PRSS23: variants seen among roughly 807,000 people sequenced by gnomAD.
PRSS23 encodes the protein protease, serine 23.
In PRSS23, 25 loss-of-function variants were observed where a neutral mutation model predicts 34.7. The observed-to-expected ratio is 0.72, with a 90% CI of 0.53 to 1.01. The LOEUF (loss-of-function observed/expected upper bound fraction) is 1.01, where lower values mean the gene tolerates loss of function less well. Among genes scored for constraint, PRSS23 ranks in the 50% least tolerant of loss-of-function variants. The probability of loss-of-function intolerance (pLI) is 0.00; values close to 1 mark genes in which losing one functional copy is unlikely to be tolerated. For synonymous variants in PRSS23, 176 were observed against 186.6 expected (o/e 0.94, Z 0.46); for missense variants, 445 against 475.6 (o/e 0.94, Z 0.60).
intron 2 of PRSS23, chr11:86,837,600 C>G (rs1029068247): frequency 6.6e-6 from 1 of 152,134 alleles, no homozygotes; most frequent in East Asian, 1.9e-4. Flanking sequence ...AACCATGCCT[C>G]TACTAAAATT....
At chr11:86,931,885 T>C (rs1353799409) in intron 2 of PRSS23, among the ~76,000 whole-genome samples, 2 of 152,058 alleles carry the variant, frequency 1.3e-5, no homozygotes, top group Admixed American at 6.5e-5. Context: ...ACTGTAATAA[T>C]CCAGGAGAAG....
At position 86,845,966 on chromosome 11, in the gene PRSS23, T is replaced by C. The variant is rs532896885; in HGVS notation, c.206+22373T>C. Among the ~76,000 whole-genome samples the C allele has an allele frequency of 1.2e-3, 176 of 152,344 alleles. 1 individual carries two copies. Among genetic ancestry groups the C allele is most frequent in the African/African-American group, 4.2e-3 (173 of 41,576 alleles). ...TGCAATTCCAGTTTTCCTCAAAATC[T>C]AAGACATGTCACAAAATAATTTACT... On this transcript the variant is annotated intron_variant, in intron 2 of 2. Transcript: ENST00000533902.
intron 2 of PRSS23, among the ~76,000 whole-genome samples, chr11:86,846,058 G>A (rs913719272): frequency 6.6e-6 from 1 of 152,114 alleles, no homozygotes; most frequent in African/African-American, 2.4e-5. Context: ...GAGTTGAAAA[G>A]GCAATTGTAT....
chr11:86,871,843 G>A (rs1948686085), intron 2 of PRSS23, among the ~76,000 whole-genome samples: 1 of 152,222 alleles, frequency 6.6e-6, no homozygotes, highest in Non-Finnish European at 1.5e-5. Context: ...GGAATAACAT[G>A]TTCAGGCAGA....
intron 1 of PRSS23, among the ~76,000 whole-genome samples, chr11:86,791,809 G>T (rs987721454): frequency 2.0e-5 from 3 of 152,176 alleles, no homozygotes; most frequent in Non-Finnish European, 4.4e-5. Flanking sequence ...ATCCATTCAT[G>T]GTCCTACTGC....
downstream of PRSS23, among the ~76,000 whole-genome samples, chr11:86,814,328 A>C (rs1948200150): frequency 1.3e-5 from 2 of 151,922 alleles, no homozygotes; most frequent in South Asian, 4.2e-4. Context: ...GTCCACCAAC[A>C]TTTAGATGTT....
intron 2 of PRSS23, among the ~76,000 whole-genome samples, chr11:86,878,233 C>CCTCCCTCTCCCTCACCTCCGT (rs1948739020): frequency 1.2e-5 from 1 of 84,798 alleles, no homozygotes; most frequent in African/African-American, 6.2e-5. Context: ...TACCCCTCCC[C>CCTCCCTCTCCCTCACCTCCGT]CTCCCTCTCC....
At chr11:86,867,215 A>G (rs1025034724) in intron 2 of PRSS23, among the ~76,000 whole-genome samples, 2 of 152,214 alleles carry the variant, frequency 1.3e-5, no homozygotes, top group African/African-American at 4.8e-5. Flanking sequence ...CTTCTCTGTG[A>G]TAAAACCACC....
At chr11:86,922,990 TTAG>T (rs2135005253) in intron 2 of PRSS23, among the ~76,000 whole-genome samples, 1 of 152,328 alleles carries the variant, frequency 6.6e-6, no homozygotes, top group African/African-American at 2.4e-5. Context: ...TTTTGAAAAT[TTAG>T]TAGCCCTTTT....
At chr11:86,877,398 T>A (rs1315605199) in intron 2 of PRSS23, among the ~76,000 whole-genome samples, 1 of 152,226 alleles carries the variant, frequency 6.6e-6, no homozygotes, top group African/African-American at 2.4e-5. Context: ...TCTCCGTACA[T>A]GTCTCAAAAG....
At chr11:86,848,861 A>G (rs1240242341) in intron 2 of PRSS23, among the ~76,000 whole-genome samples, 1 of 152,202 alleles carries the variant, frequency 6.6e-6, no homozygotes, top group African/African-American at 2.4e-5. Flanking sequence ...GAGGGAACCA[A>G]AAGAGGAGCA....
At chr11:86,816,714 G>A (rs1298214793) in intron 1 of PRSS23, among the ~76,000 whole-genome samples, 1 of 152,154 alleles carries the variant, frequency 6.6e-6, no homozygotes, top group Non-Finnish European at 1.5e-5. Flanking sequence ...TTCCAGACCA[G>A]CTGAACACAG....
intron 2 of PRSS23, among the ~76,000 whole-genome samples, chr11:86,905,373 C>T (rs934889402): frequency 3.9e-5 from 6 of 152,146 alleles, no homozygotes; most frequent in African/African-American, 1.4e-4. Flanking sequence ...GATAAGGCAC[C>T]ATTCAAACGT....
chr11:86,909,450 T>C (rs1948963765), intron 2 of PRSS23: 1 of 152,238 alleles, frequency 6.6e-6, no homozygotes, highest in African/African-American at 2.4e-5. Flanking sequence ...GCACATCAAT[T>C]GAAGCCACCT....
At chr11:86,866,434 A>T (rs1948649958) in intron 2 of PRSS23, among the ~76,000 whole-genome samples, 3 of 152,204 alleles carry the variant, frequency 2.0e-5, no homozygotes, top group Admixed American at 2.0e-4. Flanking sequence ...TTATAATTAC[A>T]TAGAGGACTA....
At chr11:86,878,233 C>CCTCCCTCTCCCTCCTCTCCGT (rs1948738988) in intron 2 of PRSS23, among the ~76,000 whole-genome samples, 6 of 84,864 alleles carry the variant, frequency 7.1e-5, no homozygotes, top group African/African-American at 1.8e-4. Flanking sequence ...TACCCCTCCC[C>CCTCCCTCTCCCTCCTCTCCGT]CTCCCTCTCC....
At chr11:86,892,184 T>C (rs192066169) in intron 2 of PRSS23, 1 of 152,376 alleles carries the variant, frequency 6.6e-6, no homozygotes, top group Non-Finnish European at 1.5e-5. Context: ...CTATCACTAT[T>C]TGCCTTGTTA....
chr11:86,861,689 G>C (rs1948616516), intron 2 of PRSS23, among the ~76,000 whole-genome samples: 2 of 151,464 alleles, frequency 1.3e-5, no homozygotes, highest in South Asian at 4.2e-4. Flanking sequence ...TTCTACCCAA[G>C]GGGGGTAGAG....
At chr11:86,878,988 G>T (rs1475059951) in intron 2 of PRSS23, among the ~76,000 whole-genome samples, 4 of 118,416 alleles carry the variant, frequency 3.4e-5, no homozygotes, top group African/African-American at 6.5e-5. Context: ...GAGCGTCTCT[G>T]CCCGGCCGCC....
Sources: allele counts gnomAD v4.1 joint callset (sites outside exome capture counted in the v4.1 genomes callset), GRCh38; gene constraint gnomAD v4.1.1; transcripts MANE v1.5; gene names NCBI Gene and HGNC (gene_info 2026-07-23, HGNC 2026-07-21).